The following SGCD variants were observed in gnomAD, a reference collection of about 807,000 sequenced individuals.
SGCD encodes sarcoglycan delta.
A neutral mutation model predicts 36.6 loss-of-function variants in SGCD; 18 were observed. The ratio of observed to expected loss-of-function variants is 0.49; its 90% CI spans 0.34 to 0.73. SGCD has a LOEUF of 0.73. Ranked by LOEUF, SGCD falls within the 30% of genes least tolerant of loss-of-function variation. The pLI is 0.01. For missense variants in SGCD, 387 were observed against 346.7 expected, an observed-to-expected ratio of 1.12 and a Z score of -0.92; for synonymous variants, 133 against 130.6, an observed-to-expected ratio of 1.02 and a Z score of -0.12.
chr5:156,168,028 T>C, intron 3 of SGCD, among the ~76,000 whole-genome samples: 1 of 152,222 alleles, frequency 6.6e-6, no homozygotes, highest in South Asian at 2.1e-4. Context: ...AAACTTTCTG[T>C]GCCTCAGAGA....
intron 3 of SGCD, among the ~76,000 whole-genome samples, chr5:156,125,942 G>C (rs1762160877): frequency 6.6e-6 from 1 of 150,560 alleles, no homozygotes; most frequent in Non-Finnish European, 1.5e-5. Context: ...CAATGGCACA[G>C]TCTCGGCTCA....
At chr5:156,493,631 C>G (rs1429771311) in intron 3 of SGCD, among the ~76,000 whole-genome samples, 1 of 152,066 alleles carries the variant, frequency 6.6e-6, no homozygotes, top group Non-Finnish European at 1.5e-5. Flanking sequence ...TAATACCTGG[C>G]ATGGTAGTTA....
chr5:156,096,063 G>A (rs1276734070), intron 1 of SGCD, among the ~76,000 whole-genome samples: 1 of 152,166 alleles, frequency 6.6e-6, no homozygotes, highest in East Asian at 1.9e-4. Flanking sequence ...GGAAGAGAAG[G>A]GACATTGCCC....
chr5:156,071,154 A>T (rs1439198491), intron 1 of SGCD, among the ~76,000 whole-genome samples: 5 of 151,786 alleles, frequency 3.3e-5, no homozygotes, highest in Non-Finnish European at 7.4e-5. Context: ...GATTTTAGTT[A>T]TTTCTTGCCT....
chr5:155,838,465 T>A, the SGCD span, among the ~76,000 whole-genome samples: 2 of 152,112 alleles, frequency 1.3e-5, no homozygotes, highest in Non-Finnish European at 2.9e-5. Flanking sequence ...GCTGATGATA[T>A]ATTTTGCCCC....
chr5:155,813,188 G>A, the SGCD span, among the ~76,000 whole-genome samples: 13 of 152,036 alleles, frequency 8.6e-5, no homozygotes, highest in South Asian at 2.1e-4. Context: ...TTGGATAGGT[G>A]AGAGGTATGG....
At chr5:156,357,107 G>A (rs541524816) in intron 3 of SGCD, among the ~76,000 whole-genome samples, 1 of 152,294 alleles carries the variant, frequency 6.6e-6, no homozygotes, top group East Asian at 1.9e-4. Flanking sequence ...TTTAGGAAAA[G>A]TACAATCTGT....
intron 3 of SGCD, among the ~76,000 whole-genome samples, chr5:156,166,503 G>A (rs1192659098): frequency 6.6e-6 from 1 of 152,110 alleles, no homozygotes; most frequent in South Asian, 2.1e-4. Context: ...TGTATTTTTG[G>A]TAGAGACAGG....
chr5:156,405,793 G>T (rs140180204), intron 3 of SGCD, among the ~76,000 whole-genome samples: 1 of 152,052 alleles, frequency 6.6e-6, no homozygotes, highest in African/African-American at 2.4e-5. Flanking sequence ...TGCCTCCCTG[G>T]CTATAGGCCT....
chr5:156,504,014 G>A (rs1349227821), intron 3 of SGCD, among the ~76,000 whole-genome samples: 1 of 151,916 alleles, frequency 6.6e-6, no homozygotes, highest in Non-Finnish European at 1.5e-5. Context: ...GACCAGCCTG[G>A]CCAACATGGT....
At chr5:156,506,407 G>A (rs151241204) in intron 3 of SGCD, among the ~76,000 whole-genome samples, 13 of 152,006 alleles carry the variant, frequency 8.6e-5, no homozygotes, top group Admixed American at 2.6e-4. Flanking sequence ...AGTTCCGTCC[G>A]CAGAAACAAA....
chr5:156,445,941 G>A (rs1348371768), intron 3 of SGCD, among the ~76,000 whole-genome samples: 1 of 152,082 alleles, frequency 6.6e-6, no homozygotes, highest in South Asian at 2.1e-4. Flanking sequence ...TATGTAACCT[G>A]TACTGTGCTA....
intron 4 of SGCD, among the ~76,000 whole-genome samples, chr5:156,548,044 G>T (rs764966216): frequency 6.6e-6 from 1 of 152,194 alleles, no homozygotes; most frequent in East Asian, 1.9e-4. Context: ...AGTATTATAA[G>T]ATGCTATCAG....
At chr5:156,264,541 G>T (rs1765953373) in intron 3 of SGCD, among the ~76,000 whole-genome samples, 1 of 152,040 alleles carries the variant, frequency 6.6e-6, no homozygotes, top group South Asian at 2.1e-4. Context: ...TCACTTCCCA[G>T]GTCCTGAGAT....
chr5:155,876,500 G>T (rs958252808), intron 1 of SGCD, among the ~76,000 whole-genome samples: 3 of 152,040 alleles, frequency 2.0e-5, no homozygotes, highest in Non-Finnish European at 2.9e-5. Context: ...TCAACACTTT[G>T]TGGGAAGGAG....
the SGCD span, among the ~76,000 whole-genome samples, chr5:155,819,850 T>C: frequency 6.6e-6 from 1 of 152,214 alleles, no homozygotes; most frequent in East Asian, 1.9e-4. Context: ...AGTAACACTC[T>C]TGTGACCTCA....
chr5:156,606,898 G>C (rs1324073622), intron 6 of SGCD, among the ~76,000 whole-genome samples: 1 of 152,210 alleles, frequency 6.6e-6, no homozygotes, highest in Non-Finnish European at 1.5e-5. Flanking sequence ...CATTGACTTT[G>C]TATCCTGAGA....
chr5:155,887,822 TAAC>T (rs775739970), intron 1 of SGCD, among the ~76,000 whole-genome samples: 9 of 152,214 alleles, frequency 5.9e-5, no homozygotes, highest in Non-Finnish European at 1.2e-4. Flanking sequence ...ATACCAATAA[TAAC>T]AACGATAGTA....
chr5:155,904,843 C>A (rs1369180004), intron 1 of SGCD, among the ~76,000 whole-genome samples: 2 of 152,154 alleles, frequency 1.3e-5, no homozygotes, highest in African/African-American at 2.4e-5. Flanking sequence ...TGCTATCATG[C>A]CATGTTTAAT....
Sources: gnomAD v4.1 joint callset for allele counts (sites outside exome capture counted in the v4.1 genomes callset) on GRCh38, gnomAD v4.1.1 for gene constraint, MANE v1.5 for transcripts, NCBI Gene and HGNC (gene_info 2026-07-23, HGNC 2026-07-21) for gene names.